Variants in MAGI2 observed in about 807,000 individuals in gnomAD.
MAGI2 encodes the protein membrane associated guanylate kinase, WW and PDZ domain containing 2, also known as membrane-associated guanylate kinase, WW and PDZ domain-containing protein 2.
Under a neutral mutation model 133.3 loss-of-function variants are expected in MAGI2, and 35 were observed. That is an observed-to-expected ratio of 0.26 (90% CI 0.20 to 0.35). The LOEUF (loss-of-function observed/expected upper bound fraction) is 0.35. MAGI2 is among the 10% of genes least tolerant of loss of function. The pLI is 1.00. For synonymous variants in MAGI2, 729 were observed against 710.6 expected, an observed-to-expected ratio of 1.03 and a Z score of -0.41; for missense variants, 1,636 against 1,863.4, an observed-to-expected ratio of 0.88 and a Z score of 2.25.
At chr7:78,097,735 C>G (rs550207266) in intron 20 of MAGI2, among the ~76,000 whole-genome samples, 6 of 152,048 alleles carry the variant, frequency 3.9e-5, no homozygotes, top group African/African-American at 1.4e-4. Flanking sequence ...TCTTGGGTGA[C>G]AAAATAATCT....
chr7:79,310,473 G>C (rs1177907732), intron 1 of MAGI2, among the ~76,000 whole-genome samples: 1 of 152,130 alleles, frequency 6.6e-6, no homozygotes, highest in Non-Finnish European at 1.5e-5. Context: ...GGGATCCAGA[G>C]ATCTGCATTT....
intron 1 of MAGI2, among the ~76,000 whole-genome samples, chr7:79,424,441 T>A (rs1445875687): frequency 6.6e-6 from 1 of 152,056 alleles, no homozygotes; most frequent in African/African-American, 2.4e-5. Context: ...GAAGATGGTC[T>A]AAAGATACAT....
intron 9 of MAGI2, among the ~76,000 whole-genome samples, chr7:78,336,458 C>T (rs1354814201): frequency 6.6e-6 from 1 of 152,196 alleles, no homozygotes; most frequent in Non-Finnish European, 1.5e-5. Flanking sequence ...CATGGTGCCT[C>T]ATAACTGTAA....
intron 2 of MAGI2, among the ~76,000 whole-genome samples, chr7:78,913,883 C>G (rs1022230186): frequency 6.6e-6 from 1 of 152,184 alleles, no homozygotes; most frequent in African/African-American, 2.4e-5. Context: ...CTTCCCAGAT[C>G]AGTATCACCT....
At chr7:78,492,906 T>C (rs918162867) in intron 5 of MAGI2, among the ~76,000 whole-genome samples, 2 of 152,204 alleles carry the variant, frequency 1.3e-5, no homozygotes, top group East Asian at 1.9e-4. Flanking sequence ...TTTAGGAACT[T>C]TGAATCATAC....
intron 3 of MAGI2, among the ~76,000 whole-genome samples, chr7:78,555,974 G>A (rs1799786230): frequency 6.6e-6 from 1 of 152,116 alleles, no homozygotes; most frequent in Admixed American, 6.5e-5. Context: ...ATAAAAATCA[G>A]TAAAGCTATT....
rs1224864072 is a variant in MAGI2 at position 78,627,108 on chromosome 7, C to T, written c.538+12G>A. On this transcript the variant is annotated intron_variant, in intron 3 of 21. Transcript: ENST00000354212. The stretch of plus-strand genomic sequence containing the variant: ...GCCAACAAGAAAGATTTCTCAGGAA[C>T]GTTGTGCTTACCTTCATAAGTCCCA... The T allele has an allele frequency of 1.2e-5, 19 of 1,563,060 alleles. No individual in the cohort carries two copies. The highest frequency in any genetic ancestry group is 1.6e-5 in the Non-Finnish European group (18 of 1,157,542).
intron 1 of MAGI2, among the ~76,000 whole-genome samples, chr7:79,299,348 A>C (rs1383160689): frequency 6.6e-6 from 1 of 151,990 alleles, no homozygotes; most frequent in Non-Finnish European, 1.5e-5. Context: ...AGTGTTGTGA[A>C]AATCTTGAGT....
At chr7:79,106,524 C>G (rs532777660) in intron 1 of MAGI2, among the ~76,000 whole-genome samples, 43 of 152,220 alleles carry the variant, frequency 2.8e-4, no homozygotes, top group African/African-American at 1.0e-3. Context: ...ATTATTATCA[C>G]AACGAAATCA....
chr7:78,786,629 C>T lies in MAGI2; in HGVS notation c.419-159390G>A, dbSNP rs571924479. Among the ~76,000 whole-genome samples, 7 of 152,302 alleles carry T rather than the reference C, an allele frequency of 4.6e-5. No homozygotes were observed. The South Asian group carries it at 1.0e-3, about 23-fold the overall frequency. The stretch of plus-strand genomic sequence containing the variant: ...GTGTTTGACGGCCCTCTGCCTAGAA[C>T]GGTCTTCTCTTAGGTATCTCTATGG... On this transcript the variant is annotated intron_variant, in intron 2 of 21. Coordinates refer to ENST00000354212, the MANE Select transcript of MAGI2 (RefSeq NM_012301.4).
intron 2 of MAGI2, among the ~76,000 whole-genome samples, chr7:78,735,638 T>G (rs1821775655): frequency 6.6e-6 from 1 of 152,226 alleles, no homozygotes; most frequent in Non-Finnish European, 1.5e-5. Flanking sequence ...TTGTCACTGA[T>G]GAGTGCCTTT....
chr7:78,503,214 C>CT (rs1794773340), intron 4 of MAGI2, among the ~76,000 whole-genome samples: 1 of 152,118 alleles, frequency 6.6e-6, no homozygotes, highest in South Asian at 2.1e-4. Flanking sequence ...AAAACAGTCA[C>CT]TTTTGAACAT....
chr7:78,860,389 G>A (rs2151499259), intron 2 of MAGI2, among the ~76,000 whole-genome samples: 1 of 152,208 alleles, frequency 6.6e-6, no homozygotes, highest in East Asian at 1.9e-4. Context: ...TCTACCTTTG[G>A]TCTTTGATGA....
At chr7:78,642,295 G>A (rs1159542505) in intron 2 of MAGI2, among the ~76,000 whole-genome samples, 2 of 152,168 alleles carry the variant, frequency 1.3e-5, no homozygotes, top group Non-Finnish European at 2.9e-5. Flanking sequence ...TGAACAATAT[G>A]CATATACACA....
intron 3 of MAGI2, among the ~76,000 whole-genome samples, chr7:78,567,421 A>AG (rs1801059563): frequency 7.0e-6 from 1 of 142,814 alleles, no homozygotes; most frequent in Non-Finnish European, 1.6e-5. Flanking sequence ...CACACACACA[A>AG]CCGCAATGCA....
At chr7:79,396,183 GC>G (rs983559489) in intron 1 of MAGI2, among the ~76,000 whole-genome samples, 1 of 151,562 alleles carries the variant, frequency 6.6e-6, no homozygotes, top group East Asian at 1.9e-4. Context: ...AGCATCCTTT[GC>G]AGTTAGGTCC....
intron 1 of MAGI2, among the ~76,000 whole-genome samples, chr7:79,278,752 A>G (rs2129557769): frequency 6.6e-6 from 1 of 152,264 alleles, no homozygotes; most frequent in East Asian, 1.9e-4. Context: ...AGGAAAGAGC[A>G]CTGCTTTAGG....
intron 1 of MAGI2, among the ~76,000 whole-genome samples, chr7:79,328,652 A>G (rs962045240): frequency 5.3e-5 from 8 of 152,180 alleles, no homozygotes; most frequent in African/African-American, 1.7e-4. Flanking sequence ...TGCTCAATAA[A>G]TATGTGTTGA....
intron 2 of MAGI2, chr7:78,946,613 T>C (rs1002827377): frequency 6.6e-6 from 1 of 152,180 alleles, no homozygotes; most frequent in Non-Finnish European, 1.5e-5. Context: ...ATAATTGCTT[T>C]TCATGCACCT....
Sources: allele counts gnomAD v4.1 joint callset (sites outside exome capture counted in the v4.1 genomes callset), GRCh38; gene constraint gnomAD v4.1.1; transcripts MANE v1.5; gene names NCBI Gene and HGNC (gene_info 2026-07-23, HGNC 2026-07-21).